EXOC6: variants seen among roughly 807,000 people sequenced by gnomAD.
EXOC6 encodes SEC15-like 1.
In EXOC6, 60 loss-of-function variants were observed where a neutral mutation model predicts 112.5. The ratio of observed to expected loss-of-function variants is 0.53; its 90% CI spans 0.43 to 0.66. The LOEUF is 0.66. EXOC6 is among the 30% of genes least tolerant of loss of function. The pLI, the probability that EXOC6 is intolerant of heterozygous loss-of-function variation, is 0.00. For missense variants in EXOC6, 855 were observed against 957.1 expected, an observed-to-expected ratio of 0.89 and a Z score of 1.41; for synonymous variants, 295 against 308.0, an observed-to-expected ratio of 0.96 and a Z score of 0.44.
At chr10:92,896,135 G>A (rs1457616849) in intron 4 of EXOC6, among the ~76,000 whole-genome samples, 1 of 21,060 alleles carries the variant, frequency 4.7e-5, no homozygotes, top group Admixed American at 9.7e-4. Flanking sequence ...GTGTGTGTGT[G>A]TGTATGTATG....
chr10:92,939,307 A>T (rs1323313505), intron 12 of EXOC6, among the ~76,000 whole-genome samples: 1 of 152,094 alleles, frequency 6.6e-6, no homozygotes, highest in East Asian at 1.9e-4. Context: ...AAGCAGTGGC[A>T]CTAAGAATAT....
At chr10:93,016,277 A>G (rs915737247) in intron 20 of EXOC6, among the ~76,000 whole-genome samples, 1 of 149,832 alleles carries the variant, frequency 6.7e-6, no homozygotes, top group Non-Finnish European at 1.5e-5. Context: ...GGGACTACAG[A>G]CACGCACCAC....
intron 1 of EXOC6, among the ~76,000 whole-genome samples, chr10:92,883,658 T>C (rs1284027302): frequency 1.3e-5 from 2 of 152,146 alleles, no homozygotes; most frequent in Non-Finnish European, 2.9e-5. Context: ...GGTGAAATAA[T>C]AGTAAAAATG....
rs1217612289 is a variant in EXOC6, at chr10:92,911,929, CTCTGTGTGCGTGTG to C, written c.663+2300_663+2313del. Reference sequence around the variant, plus strand: ...TCTCTCTCTCTCTCTCTCTCTCTCTCTCTGTGTGCGTGTGTGTGTGTGTGTGTGTGTGTGTGTGT... The same window carrying C: ...TCTCTCTCTCTCTCTCTCTCTCTCTCTGTGTGTGTGTGTGTGTGTGTGTGT... On this transcript the variant is annotated intron_variant, in intron 6 of 21. Coordinates refer to ENST00000260762, the MANE Select transcript of EXOC6 (RefSeq NM_019053.6). Among the ~76,000 whole-genome samples the C allele has an allele frequency of 6.6e-3, 478 of 71,948 alleles. 3 individuals are homozygous for C. The highest frequency in any genetic ancestry group is 0.021 in the African/African-American group (460 of 22,134). 47.2% of individuals were successfully genotyped at this position (71,948 alleles called of 152,430 possible). A position where few individuals can be genotyped will look rare whatever the true frequency, so the allele number is the denominator to read the frequency against.
chr10:92,868,815 CTTTTTTTT>C (rs370569114), intron 1 of EXOC6, among the ~76,000 whole-genome samples: 10 of 135,918 alleles, frequency 7.4e-5, no homozygotes, highest in Non-Finnish European at 1.4e-4. Flanking sequence ...CTCCCTCCCT[CTTTTTTTT>C]TTTTTTTTTG....
At chr10:92,869,707 T>G (rs1398544470) in intron 1 of EXOC6, among the ~76,000 whole-genome samples, 1 of 152,190 alleles carries the variant, frequency 6.6e-6, no homozygotes, top group African/African-American at 2.4e-5. Flanking sequence ...TTAAGTTTTC[T>G]TATTGTTTAT....
intron 20 of EXOC6, among the ~76,000 whole-genome samples, chr10:93,015,636 G>A (rs1844472616): frequency 6.6e-6 from 1 of 152,228 alleles, no homozygotes; most frequent in South Asian, 2.1e-4. Flanking sequence ...GGGAGGCTGA[G>A]GCAGGAGAAT....
At chr10:92,829,333 A>G (rs2133559002) in intron 1 of EXOC6, among the ~76,000 whole-genome samples, 1 of 152,260 alleles carries the variant, frequency 6.6e-6, no homozygotes, top group East Asian at 1.9e-4. Flanking sequence ...TGCACTCCCC[A>G]CAGGCTGGAA....
intron 19 of EXOC6, among the ~76,000 whole-genome samples, chr10:93,009,955 T>C (rs1590033221): frequency 6.6e-6 from 1 of 152,036 alleles, no homozygotes; most frequent in Admixed American, 6.6e-5. Flanking sequence ...GATGGAGAGG[T>C]TGCACCAGAA....
At chr10:92,976,429 G>A (rs1842610408) in intron 18 of EXOC6, among the ~76,000 whole-genome samples, 1 of 151,948 alleles carries the variant, frequency 6.6e-6, no homozygotes, top group African/African-American at 2.4e-5. Flanking sequence ...TAAGGGCGGT[G>A]CAAGATGTGC....
At chr10:92,950,115 A>T (rs1853313638) in intron 14 of EXOC6, among the ~76,000 whole-genome samples, 2 of 152,244 alleles carry the variant, frequency 1.3e-5, no homozygotes, top group Non-Finnish European at 2.9e-5. Flanking sequence ...ATTACTCATT[A>T]TTAAAAAGAA....
chr10:93,053,891 A>C lies in EXOC6; in HGVS notation c.2170-3033A>C, dbSNP rs554343016. ...TGAAAATGATAAATGAGAATATGAG[A>C]TCAACATGCTTGCTGGCTCCATCTT... On this transcript the variant is annotated intron_variant, in intron 20 of 21. Coordinates refer to ENST00000260762, the MANE Select transcript of EXOC6 (RefSeq NM_019053.6). Among the ~76,000 whole-genome samples, 3 of 152,340 alleles carry C rather than the reference A, an allele frequency of 2.0e-5. No homozygotes were observed. The South Asian group carries it at 6.2e-4, about 32-fold the overall frequency.
intron 14 of EXOC6, among the ~76,000 whole-genome samples, chr10:92,949,871 C>T (rs916638545): frequency 3.3e-5 from 5 of 152,102 alleles, no homozygotes; most frequent in Admixed American, 2.6e-4. Flanking sequence ...GCTGGGATTA[C>T]AGGCGTGAGC....
intron 18 of EXOC6, among the ~76,000 whole-genome samples, chr10:92,976,824 T>C (rs1842642266): frequency 1.3e-5 from 2 of 152,072 alleles, no homozygotes; most frequent in African/African-American, 4.8e-5. Flanking sequence ...TTTTGGACAG[T>C]TGGTTGATGA....
chr10:92,843,976 C>CAAAA (rs34641974), upstream of EXOC6, among the ~76,000 whole-genome samples: 270 of 37,868 alleles, frequency 7.1e-3, 19 homozygotes, highest in Non-Finnish European at 8.9e-3. Flanking sequence ...GACTCTGTCT[C>CAAAA]AAAAAAAAAA....
chr10:93,026,595 T>A (rs1455545485), intron 20 of EXOC6, among the ~76,000 whole-genome samples: 3 of 152,220 alleles, frequency 2.0e-5, no homozygotes, highest in Admixed American at 2.0e-4. Flanking sequence ...CAGCATATGG[T>A]CACTTAGTAT....
intron 17 of EXOC6, among the ~76,000 whole-genome samples, chr10:92,956,439 CT>C (rs1314225439): frequency 6.6e-6 from 1 of 152,078 alleles, no homozygotes; most frequent in Non-Finnish European, 1.5e-5. Context: ...TCTTTAACTA[CT>C]TTTGTTATAT....
intron 1 of EXOC6, among the ~76,000 whole-genome samples, chr10:92,881,720 T>G (rs1277599421): frequency 6.6e-6 from 1 of 152,182 alleles, no homozygotes; most frequent in Non-Finnish European, 1.5e-5. Context: ...CTTCTTAAAT[T>G]ATAGTTCCCA....
chr10:92,947,738 T>C (rs1453189342), intron 13 of EXOC6, among the ~76,000 whole-genome samples: 2 of 152,102 alleles, frequency 1.3e-5, no homozygotes, highest in African/African-American at 4.8e-5. Flanking sequence ...TGAAACCCCT[T>C]CTTTACTAAA....
Sources: allele counts gnomAD v4.1 joint callset (sites outside exome capture counted in the v4.1 genomes callset), GRCh38; gene constraint gnomAD v4.1.1; transcripts MANE v1.5; gene names NCBI Gene and HGNC (gene_info 2026-07-23, HGNC 2026-07-21).